Variants in RIC3 observed in about 807,000 individuals in gnomAD.
RIC3 encodes the protein RIC3 acetylcholine receptor chaperone.
A neutral mutation model predicts 27.3 loss-of-function variants in RIC3; 28 were observed. That is an observed-to-expected ratio of 1.02 (90% CI 0.76 to 1.41). The LOEUF (loss-of-function observed/expected upper bound fraction) is 1.41, where lower values mean the gene tolerates loss of function less well. RIC3 is among the 40% of genes most tolerant of loss of function. The probability of loss-of-function intolerance (pLI) is 0.00; values close to 1 mark genes in which losing one functional copy is unlikely to be tolerated. For missense variants in RIC3, 501 were observed against 444.7 expected (o/e 1.13, Z -1.14); for synonymous variants, 184 against 160.4 (o/e 1.15, Z -1.11).
At chr11:8,126,592 T>G (rs1947015698) in intron 5 of RIC3, 67 bp downstream of exon 5, 1 of 1,579,538 alleles carries the variant, frequency 6.3e-7, no homozygotes, top group African/African-American at 1.4e-5. Context: ...AAGCTGATTT[T>G]TTAAAAATCT....
chr11:8,148,667 A>T (rs964395823), intron 1 of RIC3, among the ~76,000 whole-genome samples: 2 of 148,208 alleles, frequency 1.3e-5, no homozygotes, highest in Non-Finnish European at 3.0e-5. Flanking sequence ...AAATTTTAGG[A>T]TCCTATTATG....
At chr11:8,151,479 G>A (rs547081704) in intron 1 of RIC3, among the ~76,000 whole-genome samples, 7 of 148,238 alleles carry the variant, frequency 4.7e-5, no homozygotes, top group South Asian at 4.4e-4. Flanking sequence ...CCAGCTACAC[G>A]GGAGGCTGAG....
intron 1 of RIC3, among the ~76,000 whole-genome samples, chr11:8,155,116 G>A (rs535150315): frequency 2.6e-5 from 4 of 151,362 alleles, no homozygotes; most frequent in East Asian, 1.9e-4. Context: ...AGCTACTCAG[G>A]AGGCTGAGGC....
intron 1 of RIC3, 92 bp downstream of exon 1, chr11:8,168,774 G>A: frequency 1.3e-6 from 2 of 1,495,280 alleles, no homozygotes; most frequent in Non-Finnish European, 1.8e-6. Flanking sequence ...TTTCGGTGAA[G>A]GCTGCAGACT....
In RIC3 at chr11:8,110,669, G is replaced by A. The variant is rs752616889; in HGVS notation, c.*29C>T. On this transcript the variant is annotated 3_prime_UTR_variant, in exon 6 of 6. Coordinates refer to ENST00000309737, the MANE Select transcript of RIC3 (RefSeq NM_001206671.4). ...GGAGAGAGAGGTCACCTTGGGACTTGAGTAATGGATACTTCAGACTGGCTG... is the reference window on the plus strand; with the variant it reads ...GGAGAGAGAGGTCACCTTGGGACTTAAGTAATGGATACTTCAGACTGGCTG... 123 of 1,599,568 alleles carry A rather than the reference G, an allele frequency of 7.7e-5. No homozygotes were observed. The highest frequency in any genetic ancestry group is 1.0e-4 in the Non-Finnish European group (122 of 1,167,234).
At chr11:8,132,579 G>C (rs997937927) in intron 4 of RIC3, among the ~76,000 whole-genome samples, 1 of 152,184 alleles carries the variant, frequency 6.6e-6, no homozygotes, top group African/African-American at 2.4e-5. Context: ...TATGTGTACA[G>C]ACCTACATCC....
the RIC3 span, among the ~76,000 whole-genome samples, chr11:8,093,700 A>G: frequency 6.6e-6 from 1 of 152,134 alleles, no homozygotes; most frequent in Non-Finnish European, 1.5e-5. Context: ...TTCAATGGCC[A>G]TATCCTCTCA....
intron 1 of RIC3, among the ~76,000 whole-genome samples, chr11:8,147,439 T>C (rs949391591): frequency 6.6e-6 from 1 of 151,716 alleles, no homozygotes; most frequent in African/African-American, 2.4e-5. Context: ...CTCCTGGGTC[T>C]GGAAAGAAAG....
intron 5 of RIC3, among the ~76,000 whole-genome samples, chr11:8,122,093 C>G (rs754913805): frequency 3.3e-5 from 5 of 152,026 alleles, no homozygotes; most frequent in Non-Finnish European, 7.4e-5. Flanking sequence ...TCCCATGTAC[C>G]CTTTATCCAG....
intron 1 of RIC3, among the ~76,000 whole-genome samples, chr11:8,162,341 A>T (rs1323754605): frequency 6.6e-6 from 1 of 152,230 alleles, no homozygotes; most frequent in Admixed American, 6.5e-5. Context: ...GAACCCAATG[A>T]CAATGACTTG....
chr11:8,165,729 T>G (rs534329941), intron 1 of RIC3, among the ~76,000 whole-genome samples: 1 of 146,036 alleles, frequency 6.8e-6, no homozygotes, highest in African/African-American at 2.5e-5. Flanking sequence ...AAAAAAAGAC[T>G]TCCCTCCTCT....
intron 1 of RIC3, among the ~76,000 whole-genome samples, chr11:8,141,128 G>A (rs1407450304): frequency 2.7e-5 from 4 of 147,686 alleles, no homozygotes; most frequent in African/African-American, 1.0e-4. Flanking sequence ...ATCAACTAAC[G>A]AGCAAAATCA....
intron 4 of RIC3, among the ~76,000 whole-genome samples, chr11:8,134,154 G>C (rs912774306): frequency 9.9e-5 from 15 of 152,044 alleles, no homozygotes; most frequent in African/African-American, 2.9e-4. Context: ...ACTCCCCTCA[G>C]CCCACAACAG....
the RIC3 span, chr11:8,095,473 A>G: frequency 6.3e-7 from 1 of 1,593,074 alleles, no homozygotes; most frequent in Admixed American, 1.7e-5. Context: ...CCTGGATGTA[A>G]CTCAGGCGTG....
Position 8,140,212 on chromosome 11 carries a change from C to T in RIC3, c.125-19G>A, listed in dbSNP as rs531155069. The T allele has an allele frequency of 2.2e-5, 35 of 1,599,238 alleles. No homozygotes were observed. The East Asian group carries it at 6.7e-4, about 31-fold the overall frequency. On this transcript the variant is annotated intron_variant, in intron 1 of 5. Coordinates refer to ENST00000309737, the MANE Select transcript of RIC3 (RefSeq NM_001206671.4). ...AATTTTCCTGAGAAAATAATAATCA[C>T]TTTTTATCTCTTCTACTATTTTAAA...
intron 5 of RIC3, among the ~76,000 whole-genome samples, chr11:8,119,040 A>G (rs950027322): frequency 2.0e-5 from 3 of 152,188 alleles, no homozygotes; most frequent in South Asian, 4.1e-4. Context: ...ACAATATCCA[A>G]TCTCAGAATT....
chr11:8,104,858 G>GCTATAAGAGAACTTT (rs1161544706), downstream of RIC3: 8 of 151,892 alleles, frequency 5.3e-5, no homozygotes, highest in Non-Finnish European at 1.0e-4. Context: ...ATAATCAGAA[G>GCTATAAGAGAACTTT]CTATAAGAGA....
At chr11:8,145,005 G>A (rs1339128598) in intron 1 of RIC3, among the ~76,000 whole-genome samples, 2 of 111,748 alleles carry the variant, frequency 1.8e-5, no homozygotes, top group Admixed American at 1.2e-4. Context: ...ACAGGAAGGG[G>A]AATATCACAC....
intron 5 of RIC3, among the ~76,000 whole-genome samples, chr11:8,115,387 ACT>A (rs1040780553): frequency 1.4e-4 from 21 of 152,072 alleles, no homozygotes; most frequent in African/African-American, 2.9e-4. Flanking sequence ...AAAAACAAAG[ACT>A]CTGCCAGACA....
Sources: gnomAD v4.1 joint callset for allele counts (sites outside exome capture counted in the v4.1 genomes callset) on GRCh38, gnomAD v4.1.1 for gene constraint, MANE v1.5 for transcripts, NCBI Gene and HGNC (gene_info 2026-07-23, HGNC 2026-07-21) for gene names.